The following PDE4B variants were observed in gnomAD, a reference collection of about 807,000 sequenced individuals.
The protein encoded by PDE4B is phosphodiesterase 4B, also known as 3',5'-cyclic-AMP phosphodiesterase 4B.
Under a neutral mutation model 82.2 loss-of-function variants are expected in PDE4B, and 20 were observed. The observed-to-expected ratio is 0.24, with a 90% CI of 0.17 to 0.35. PDE4B has a LOEUF of 0.35. Among genes scored for constraint, PDE4B ranks in the 10% least tolerant of loss-of-function variants. The probability of loss-of-function intolerance (pLI) is 1.00; values close to 1 mark genes in which losing one functional copy is unlikely to be tolerated. For missense variants in PDE4B, 655 were observed against 907.2 expected, an observed-to-expected ratio of 0.72 and a Z score of 3.57; for synonymous variants, 320 against 318.9, an observed-to-expected ratio of 1.00 and a Z score of -0.04.
intron 3 of PDE4B, among the ~76,000 whole-genome samples, chr1:66,156,560 A>G (rs1646505127): frequency 6.6e-6 from 1 of 152,044 alleles, no homozygotes; most frequent in African/African-American, 2.4e-5. Flanking sequence ...ATTCTCTAAT[A>G]TCTCCATCCT....
chr1:66,247,376 C>T (rs1653397468), intron 3 of PDE4B, 84 bp from the exon 4 acceptor site: 6 of 846,906 alleles, frequency 7.1e-6, no homozygotes, highest in Non-Finnish European at 1.1e-5. Flanking sequence ...TGTATAGTAC[C>T]TGCCACACGT....
intron 3 of PDE4B, among the ~76,000 whole-genome samples, chr1:66,098,932 G>A (rs113098644): frequency 0.018 from 2,801 of 152,206 alleles, 76 homozygotes; most frequent in Admixed American, 0.069. Context: ...TTGAATTACC[G>A]TAACACATCT....
rs1047660646 is a variant in PDE4B, at chr1:65,843,677, T to C, written c.-71+50429T>C. Among the ~76,000 whole-genome samples, 5 of 151,958 alleles carry C rather than the reference T, an allele frequency of 3.3e-5. No individual in the cohort carries two copies. The East Asian group carries it at 9.7e-4, about 29-fold the overall frequency. On this transcript the variant is annotated intron_variant, in intron 1 of 16. Transcript: ENST00000341517. ...AGTAGGTGTTGAAAGACAGGATTTG[T>C]TTTTTTTCCCTTAAGTCTGCTTTTA...
At chr1:65,942,134 A>G in intron 3 of PDE4B, among the ~76,000 whole-genome samples, 1 of 151,992 alleles carries the variant, frequency 6.6e-6, no homozygotes, top group East Asian at 1.9e-4. Flanking sequence ...CCCTGCCTCT[A>G]CCATCTCAAC....
intron 7 of PDE4B, among the ~76,000 whole-genome samples, chr1:66,275,250 C>A (rs539881580): frequency 1.3e-5 from 2 of 152,180 alleles, no homozygotes; most frequent in Non-Finnish European, 2.9e-5. Context: ...GCTTGTACAG[C>A]ACATCAAAGT....
intron 7 of PDE4B, among the ~76,000 whole-genome samples, chr1:66,274,164 T>A (rs937468698): frequency 5.6e-5 from 6 of 106,550 alleles, no homozygotes; most frequent in Non-Finnish European, 8.1e-5. Flanking sequence ...AAAATGGGCA[T>A]TTTTTTTTTT....
intron 1 of PDE4B, among the ~76,000 whole-genome samples, chr1:65,887,409 C>CTTTTTTTTTTTTTTTTTTTTTT (rs1646801165): frequency 9.5e-5 from 1 of 10,538 alleles, no homozygotes; most frequent in African/African-American, 6.0e-4. Flanking sequence ...TTTTCTTTTT[C>CTTTTTTTTTTTTTTTTTTTTTT]TTCTGTTTTT....
rs546763796 is a variant in PDE4B at position 65,948,784 on chromosome 1, G to C, written c.281+29949G>C. Among the ~76,000 whole-genome samples the C allele has an allele frequency of 3.9e-5, 6 of 152,096 alleles. No individual in the cohort carries two copies. In the South Asian group the frequency reaches 1.2e-3, roughly 32 times the overall value. On this transcript the variant is annotated intron_variant, in intron 3 of 16. Transcript: ENST00000341517. The stretch of plus-strand genomic sequence containing the variant: ...GTTTGGAAATATCTGAGTAATTTAC[G>C]GATTGATCGATGGTGTTGCAACATC...
chr1:66,178,958 C>T (rs1411707792), intron 3 of PDE4B, among the ~76,000 whole-genome samples: 2 of 152,096 alleles, frequency 1.3e-5, no homozygotes, highest in East Asian at 1.9e-4. Context: ...TCAAGCTATT[C>T]TCCTGCCTCA....
intron 3 of PDE4B, among the ~76,000 whole-genome samples, chr1:66,124,097 T>G (rs983269702): frequency 1.3e-5 from 2 of 152,120 alleles, no homozygotes; most frequent in Non-Finnish European, 2.9e-5. Flanking sequence ...CCATTAAGCA[T>G]TTAATTTTAT....
intron 8 of PDE4B, among the ~76,000 whole-genome samples, chr1:66,338,984 A>G (rs1660746880): frequency 6.8e-6 from 1 of 146,268 alleles, no homozygotes; most frequent in Non-Finnish European, 1.5e-5. Context: ...CCGCCACTGC[A>G]CTCCAGCCTG....
chr1:65,990,442 A>G (rs1239167835), intron 3 of PDE4B, among the ~76,000 whole-genome samples: 5 of 152,174 alleles, frequency 3.3e-5, no homozygotes, highest in African/African-American at 4.8e-5. Context: ...TTGCCAATAC[A>G]TCACTATGAA....
intron 3 of PDE4B, among the ~76,000 whole-genome samples, chr1:65,990,645 G>C (rs1417330677): frequency 6.6e-6 from 1 of 152,104 alleles, no homozygotes; most frequent in Non-Finnish European, 1.5e-5. Context: ...ACATGCATTA[G>C]AGCCTACTTG....
At chr1:65,995,913 C>T (rs1651515912) in intron 3 of PDE4B, among the ~76,000 whole-genome samples, 1 of 152,136 alleles carries the variant, frequency 6.6e-6, no homozygotes, top group Admixed American at 6.6e-5. Context: ...AGTTTATATG[C>T]AAACCCACTA....
rs12047168 is a variant in PDE4B, at chr1:66,204,657, A to G, written c.282-42803A>G. ...TAGGATCCTCTGAGCCATGTGCAGGATATAATCTCCTGGTGTGCCGTTTTT... is the reference window on the plus strand; with the variant it reads ...TAGGATCCTCTGAGCCATGTGCAGGGTATAATCTCCTGGTGTGCCGTTTTT... On this transcript the variant is annotated intron_variant, in intron 3 of 16. Transcript: ENST00000341517. Among the ~76,000 whole-genome samples the G allele has an allele frequency of 0.013, 1,940 of 152,338 alleles. 91 individuals are homozygous for G. The East Asian group carries it at 0.15, about 12-fold the overall frequency.
intron 3 of PDE4B, among the ~76,000 whole-genome samples, chr1:66,199,851 T>C (rs901116751): frequency 5.3e-5 from 8 of 152,200 alleles, no homozygotes; most frequent in Non-Finnish European, 1.2e-4. Context: ...TTAGTTTAAT[T>C]AGATCCCATT....
chr1:66,166,133 G>C (rs187581171), intron 3 of PDE4B, among the ~76,000 whole-genome samples: 89 of 151,538 alleles, frequency 5.9e-4, no homozygotes, highest in Middle Eastern at 3.4e-3. Context: ...GCAATTCAAT[G>C]GGGGAGTGGG....
chr1:65,992,692 C>T, intron 3 of PDE4B: 2 of 1,290,806 alleles, frequency 1.5e-6, no homozygotes, highest in Non-Finnish European at 9.8e-7. Flanking sequence ...TTTTCAGAGG[C>T]AAAGCCAGCC....
chr1:65,888,263 C>A (rs891611182), intron 1 of PDE4B, among the ~76,000 whole-genome samples: 1 of 151,982 alleles, frequency 6.6e-6, no homozygotes, highest in Non-Finnish European at 1.5e-5. Context: ...GTTGAAAATA[C>A]GTGAATTTAT....
Sources: gnomAD v4.1 joint callset for allele counts (sites outside exome capture counted in the v4.1 genomes callset) on GRCh38, gnomAD v4.1.1 for gene constraint, MANE v1.5 for transcripts, NCBI Gene and HGNC (gene_info 2026-07-23, HGNC 2026-07-21) for gene names.